Variants in GALNT13 observed in about 807,000 individuals in gnomAD.
GALNT13 encodes UDP-GalNAc:polypeptide N-acetylgalactosaminyltransferase 13.
Under a neutral mutation model 64.2 loss-of-function variants are expected in GALNT13, and 28 were observed. The observed-to-expected ratio is 0.44, with a 90% CI of 0.32 to 0.60. The LOEUF (loss-of-function observed/expected upper bound fraction) is 0.60. Among genes scored for constraint, GALNT13 ranks in the 20% least tolerant of loss-of-function variants. GALNT13 has a pLI of 0.05. For missense variants in GALNT13, 577 were observed against 669.8 expected (o/e 0.86, Z 1.53); for synonymous variants, 214 against 224.6 (o/e 0.95, Z 0.42).
chr2:154,306,007 TG>T (rs1353101668), intron 9 of GALNT13, among the ~76,000 whole-genome samples: 1 of 152,184 alleles, frequency 6.6e-6, no homozygotes, highest in Non-Finnish European at 1.5e-5. Flanking sequence ...GAATTATCCA[TG>T]GGTGTCTGGT....
intron 4 of GALNT13, among the ~76,000 whole-genome samples, chr2:154,154,542 A>G (rs561662018): frequency 6.6e-6 from 1 of 152,240 alleles, no homozygotes; most frequent in Non-Finnish European, 1.5e-5. Flanking sequence ...TATAGATAAG[A>G]GAAGCCTGAA....
the GALNT13 span, among the ~76,000 whole-genome samples, chr2:153,303,870 C>T: frequency 6.6e-6 from 1 of 152,064 alleles, no homozygotes; most frequent in Non-Finnish European, 1.5e-5. Flanking sequence ...AGATTTGCTG[C>T]TTTTGTAGGA....
the GALNT13 span, among the ~76,000 whole-genome samples, chr2:153,129,088 C>T: frequency 6.6e-6 from 1 of 152,142 alleles, no homozygotes; most frequent in Non-Finnish European, 1.5e-5. Context: ...TGGGAATCCA[C>T]GAATACTGGC....
At chr2:154,006,106 C>G (rs1696232590) in intron 3 of GALNT13, among the ~76,000 whole-genome samples, 2 of 152,134 alleles carry the variant, frequency 1.3e-5, no homozygotes, top group South Asian at 4.1e-4. Flanking sequence ...CTGGTGGTAA[C>G]TATGCTGAAC....
At chr2:153,383,962 T>C in the GALNT13 span, among the ~76,000 whole-genome samples, 1 of 151,958 alleles carries the variant, frequency 6.6e-6, no homozygotes, top group East Asian at 1.9e-4. Flanking sequence ...ACATGAAAAG[T>C]AAGATAAGAT....
At chr2:153,649,100 T>C in the GALNT13 span, among the ~76,000 whole-genome samples, 1 of 152,084 alleles carries the variant, frequency 6.6e-6, no homozygotes, top group East Asian at 1.9e-4. Flanking sequence ...GGTCCTGGAC[T>C]TTTTTGGTTG....
chr2:153,612,391 G>C, the GALNT13 span, among the ~76,000 whole-genome samples: 2 of 152,142 alleles, frequency 1.3e-5, no homozygotes, highest in South Asian at 4.1e-4. Context: ...ACATGCACAC[G>C]TAGTATGTTT....
At chr2:154,024,388 T>G (rs1697777287) in intron 3 of GALNT13, among the ~76,000 whole-genome samples, 1 of 152,120 alleles carries the variant, frequency 6.6e-6, no homozygotes, top group Admixed American at 6.6e-5. Flanking sequence ...GGAGGCTTTG[T>G]TCATTTCTTT....
intron 2 of GALNT13, among the ~76,000 whole-genome samples, chr2:153,909,859 A>G (rs1688823179): frequency 6.6e-6 from 1 of 152,084 alleles, no homozygotes. Context: ...TTTTTAATCT[A>G]TCCTCATCAA....
intron 8 of GALNT13, among the ~76,000 whole-genome samples, chr2:154,290,086 T>C (rs1047700749): frequency 6.6e-6 from 1 of 152,192 alleles, no homozygotes; most frequent in African/African-American, 2.4e-5. Context: ...ACTCAATGCA[T>C]GCACAAGCTA....
At chr2:153,979,627 A>C (rs571391644) in intron 3 of GALNT13, among the ~76,000 whole-genome samples, 2 of 152,336 alleles carry the variant, frequency 1.3e-5, no homozygotes, top group Non-Finnish European at 2.9e-5. Context: ...CTTTTAAAAT[A>C]CAAATGCGCA....
the GALNT13 span, among the ~76,000 whole-genome samples, chr2:153,633,114 T>A: frequency 6.6e-6 from 1 of 152,172 alleles, no homozygotes; most frequent in African/African-American, 2.4e-5. Context: ...TACCATAGTT[T>A]GTTTGTTCCT....
chr2:154,173,606 A>G (rs1230647764), intron 4 of GALNT13, among the ~76,000 whole-genome samples: 2 of 152,080 alleles, frequency 1.3e-5, no homozygotes, highest in Non-Finnish European at 2.9e-5. Context: ...AACAAATTGA[A>G]GGGACAACCC....
chr2:153,279,446 A>G, the GALNT13 span, among the ~76,000 whole-genome samples: 1 of 152,100 alleles, frequency 6.6e-6, no homozygotes, highest in African/African-American at 2.4e-5. Flanking sequence ...CCAGTTCTCA[A>G]AGGGAATGCT....
At chr2:154,104,319 C>T (rs1340660287) in intron 3 of GALNT13, among the ~76,000 whole-genome samples, 1 of 152,122 alleles carries the variant, frequency 6.6e-6, no homozygotes, top group Non-Finnish European at 1.5e-5. Context: ...GGTCTGCCCT[C>T]CGATGCAAGG....
chr2:153,878,438 T>A (rs1686545031), intron 1 of GALNT13, among the ~76,000 whole-genome samples: 1 of 152,212 alleles, frequency 6.6e-6, no homozygotes, highest in Non-Finnish European at 1.5e-5. Flanking sequence ...CATGACTTGA[T>A]GACATAATGC....
chr2:154,421,353 A>C (rs992175966), intron 11 of GALNT13, among the ~76,000 whole-genome samples: 4 of 152,112 alleles, frequency 2.6e-5, no homozygotes, highest in Admixed American at 6.6e-5. Context: ...AATCAAGTGG[A>C]AGCTACACAT....
At chr2:153,180,512 T>C in the GALNT13 span, among the ~76,000 whole-genome samples, 2 of 152,176 alleles carry the variant, frequency 1.3e-5, no homozygotes, top group Non-Finnish European at 2.9e-5. Flanking sequence ...CTTATTTCAC[T>C]CTATTATCAG....
the GALNT13 span, among the ~76,000 whole-genome samples, chr2:153,142,474 A>G: frequency 6.6e-6 from 1 of 152,082 alleles, no homozygotes; most frequent in Non-Finnish European, 1.5e-5. Context: ...GGCTCAGTTC[A>G]GGAAAACAGG....
Sources: gnomAD v4.1 joint callset for allele counts (sites outside exome capture counted in the v4.1 genomes callset) on GRCh38, gnomAD v4.1.1 for gene constraint, MANE v1.5 for transcripts, NCBI Gene and HGNC (gene_info 2026-07-23, HGNC 2026-07-21) for gene names.